Variants in CNTNAP5 observed in about 807,000 individuals in gnomAD.
CNTNAP5 encodes the protein contactin associated protein family member 5, also known as contactin-associated protein-like 5.
In CNTNAP5, 72 loss-of-function variants were observed where a neutral mutation model predicts 150.2. The observed-to-expected ratio is 0.48, with a 90% CI of 0.40 to 0.58. The LOEUF (loss-of-function observed/expected upper bound fraction) is 0.58, where lower values mean the gene tolerates loss of function less well. Among genes scored for constraint, CNTNAP5 ranks in the 20% least tolerant of loss-of-function variants. The probability of loss-of-function intolerance (pLI) is 0.00; values close to 1 mark genes in which losing one functional copy is unlikely to be tolerated. For missense variants in CNTNAP5, 1,636 were observed against 1,626.2 expected (o/e 1.01, Z -0.10); for synonymous variants, 672 against 619.8 (o/e 1.08, Z -1.25).
chr2:124,776,995 C>G (rs1429576008), intron 17 of CNTNAP5, among the ~76,000 whole-genome samples: 2 of 151,722 alleles, frequency 1.3e-5, no homozygotes, highest in Admixed American at 1.3e-4. Flanking sequence ...GTCCCCTTAC[C>G]AATTACATAA....
At chr2:124,187,226 A>G (rs1685355656) in intron 1 of CNTNAP5, among the ~76,000 whole-genome samples, 1 of 152,220 alleles carries the variant, frequency 6.6e-6, no homozygotes, top group South Asian at 2.1e-4. Flanking sequence ...TTTCCAAGAC[A>G]TGATTATGCT....
intron 1 of CNTNAP5, among the ~76,000 whole-genome samples, chr2:124,142,923 A>G (rs545455571): frequency 6.9e-6 from 1 of 145,362 alleles, no homozygotes; most frequent in South Asian, 2.2e-4. Flanking sequence ...AAGAGAGAAG[A>G]ATCAAATAGA....
At chr2:124,773,319 C>T (rs1268030709) in intron 17 of CNTNAP5, among the ~76,000 whole-genome samples, 2 of 152,246 alleles carry the variant, frequency 1.3e-5, no homozygotes, top group South Asian at 2.1e-4. Context: ...TAATATAAAT[C>T]TACTCCAAGG....
rs1274715366 is a variant in CNTNAP5, at chr2:124,600,750, AG to A, written c.1757-9050del. ...AATACTCAGAGAGAGAGAGAGAGAGAGAGAGAGAGAGAGAGAGAAAGAGAGA... is the reference window on the plus strand; with the variant it reads ...AATACTCAGAGAGAGAGAGAGAGAGAAGAGAGAGAGAGAGAGAAAGAGAGA... On this transcript the variant is annotated intron_variant, in intron 11 of 23. Coordinates refer to ENST00000682447, the MANE Select transcript of CNTNAP5 (RefSeq NM_001367498.1). Among the ~76,000 whole-genome samples, 94 of 131,344 alleles carry A rather than the reference AG, an allele frequency of 7.2e-4. 1 individual carries two copies. Among genetic ancestry groups the A allele is most frequent in the South Asian group, 1.4e-3 (5 of 3,582 alleles). 86.2% of individuals were successfully genotyped at this position (131,344 alleles called of 152,430 possible).
At chr2:124,025,803 C>T (rs976252340) in intron 1 of CNTNAP5, 71 bp downstream of exon 1, 5 of 1,219,248 alleles carry the variant, frequency 4.1e-6, no homozygotes, top group East Asian at 2.3e-5. Context: ...AATCAACTAT[C>T]TAAGCGTACT....
At chr2:124,208,905 A>G (rs1170630) in intron 1 of CNTNAP5, among the ~76,000 whole-genome samples, 119,327 of 152,102 alleles carry the variant, frequency 0.78, 47,039 homozygotes, top group East Asian at 1. Context: ...TTTTCTTTGT[A>G]CCAACCACTT....
chr2:124,128,405 G>C (rs1168255912), intron 1 of CNTNAP5, among the ~76,000 whole-genome samples: 2 of 152,120 alleles, frequency 1.3e-5, no homozygotes, highest in Non-Finnish European at 2.9e-5. Context: ...TAAAAAGTCA[G>C]GAAAGAACAA....
intron 13 of CNTNAP5, among the ~76,000 whole-genome samples, chr2:124,730,919 T>G (rs1161980021): frequency 6.6e-5 from 10 of 152,106 alleles, no homozygotes; most frequent in Non-Finnish European, 4.4e-5. Context: ...GAAATCCTAT[T>G]TTTATTACTA....
At chr2:124,111,397 G>A (rs564998381) in intron 1 of CNTNAP5, among the ~76,000 whole-genome samples, 110 of 152,112 alleles carry the variant, frequency 7.2e-4, no homozygotes, top group East Asian at 7.7e-4. Context: ...ACGGTGGGTG[G>A]GTTGTTTCAT....
chr2:124,846,857 C>T (rs934614037), intron 19 of CNTNAP5, among the ~76,000 whole-genome samples: 61 of 152,290 alleles, frequency 4.0e-4, no homozygotes, highest in African/African-American at 1.2e-3. Context: ...GGTCTAGCCA[C>T]GCAGTAGAGC....
intron 3 of CNTNAP5, among the ~76,000 whole-genome samples, chr2:124,265,752 G>A (rs1687588125): frequency 6.6e-6 from 1 of 152,198 alleles, no homozygotes; most frequent in Admixed American, 6.5e-5. Context: ...CTGGGAGCTA[G>A]GGACCTGTCT....
chr2:124,123,489 T>G (rs1683616573), intron 1 of CNTNAP5, among the ~76,000 whole-genome samples: 1 of 152,060 alleles, frequency 6.6e-6, no homozygotes, highest in African/African-American at 2.4e-5. Context: ...AGGGCATAGT[T>G]GAACAAAAGG....
intron 13 of CNTNAP5, among the ~76,000 whole-genome samples, chr2:124,655,259 C>A (rs1678418190): frequency 6.6e-6 from 1 of 152,000 alleles, no homozygotes; most frequent in South Asian, 2.1e-4. Context: ...GTTTTCTGTT[C>A]TTGTGTTACT....
intron 6 of CNTNAP5, 33 bp downstream of exon 6, chr2:124,446,970 C>T (rs777424885): frequency 5.7e-6 from 9 of 1,589,974 alleles, no homozygotes; most frequent in Admixed American, 3.4e-5. Context: ...ACCTCCTCGG[C>T]CCCTTGCTTC....
chr2:124,438,113 C>T (rs1692580975), intron 5 of CNTNAP5, among the ~76,000 whole-genome samples: 1 of 152,126 alleles, frequency 6.6e-6, no homozygotes, highest in African/African-American at 2.4e-5. Context: ...TACCCTAACC[C>T]TTACTGTGTC....
chr2:124,750,360 G>A (rs1319193687), intron 14 of CNTNAP5, among the ~76,000 whole-genome samples: 1 of 152,154 alleles, frequency 6.6e-6, no homozygotes, highest in African/African-American at 2.4e-5. Flanking sequence ...AGATCAGAAA[G>A]TTTCTTCTGT....
chr2:124,684,684 G>T (rs1679151833), intron 13 of CNTNAP5, among the ~76,000 whole-genome samples: 2 of 152,174 alleles, frequency 1.3e-5, no homozygotes, highest in Non-Finnish European at 2.9e-5. Context: ...TGATGATTAA[G>T]CGAGAAAAAT....
intron 13 of CNTNAP5, among the ~76,000 whole-genome samples, chr2:124,670,267 T>C (rs1057089966): frequency 1.3e-5 from 2 of 151,776 alleles, no homozygotes; most frequent in Middle Eastern, 3.4e-3. Flanking sequence ...AAGAGTTATG[T>C]TGGTGAATAT....
chr2:124,639,465 G>A (rs919279827), intron 12 of CNTNAP5, among the ~76,000 whole-genome samples: 8 of 152,054 alleles, frequency 5.3e-5, no homozygotes, highest in African/African-American at 1.4e-4. Flanking sequence ...TAGAGAAGGC[G>A]TCTCTTCTTT....
Sources: gnomAD v4.1 joint callset for allele counts (sites outside exome capture counted in the v4.1 genomes callset) on GRCh38, gnomAD v4.1.1 for gene constraint, MANE v1.5 for transcripts, NCBI Gene and HGNC (gene_info 2026-07-23, HGNC 2026-07-21) for gene names.